The following AGBL4 variants were observed in gnomAD, a reference collection of about 807,000 sequenced individuals.
AGBL4 encodes AGBL carboxypeptidase 4, also known as cytosolic carboxypeptidase 6.
AGBL4 carries 58 observed loss-of-function variants against 66.4 expected under a neutral mutation model. That is an observed-to-expected ratio of 0.87 (90% CI 0.71 to 1.09). The LOEUF (loss-of-function observed/expected upper bound fraction) is 1.09, where lower values mean the gene tolerates loss of function less well. AGBL4 is among the 50% of genes least tolerant of loss of function. AGBL4 has a pLI of 0.00. For synonymous variants in AGBL4, 234 were observed against 222.9 expected, an observed-to-expected ratio of 1.05 and a Z score of -0.44; for missense variants, 579 against 631.0, an observed-to-expected ratio of 0.92 and a Z score of 0.88.
At chr1:49,456,254 T>C (rs947541539) in intron 3 of AGBL4, among the ~76,000 whole-genome samples, 2 of 151,718 alleles carry the variant, frequency 1.3e-5, no homozygotes, top group African/African-American at 4.8e-5. Context: ...AGGAACTCTC[T>C]CAAAATCAGG....
chr1:49,131,907 A>C (rs1223990260), intron 4 of AGBL4, among the ~76,000 whole-genome samples: 1 of 152,124 alleles, frequency 6.6e-6, no homozygotes, highest in African/African-American at 2.4e-5. Flanking sequence ...CCTATAATAC[A>C]TCAAAGACAA....
chr1:49,026,319 T>C (rs1209835369), intron 5 of AGBL4, among the ~76,000 whole-genome samples: 1 of 152,128 alleles, frequency 6.6e-6, no homozygotes, highest in Non-Finnish European at 1.5e-5. Context: ...GCTTTCCCAC[T>C]GTCGGGCCAA....
chr1:48,873,941 T>A (rs908326563), intron 5 of AGBL4, among the ~76,000 whole-genome samples: 4 of 152,152 alleles, frequency 2.6e-5, no homozygotes, highest in Non-Finnish European at 5.9e-5. Context: ...GGGAGCTCAG[T>A]GGCTGGTTTG....
chr1:49,038,407 G>A (rs1402596081), intron 5 of AGBL4, among the ~76,000 whole-genome samples: 1 of 152,032 alleles, frequency 6.6e-6, no homozygotes, highest in Non-Finnish European at 1.5e-5. Context: ...CAGCCCAATA[G>A]TAGCTTACCT....
At chr1:48,937,498 C>A (rs1445860598) in intron 5 of AGBL4, among the ~76,000 whole-genome samples, 2 of 152,138 alleles carry the variant, frequency 1.3e-5, no homozygotes, top group Non-Finnish European at 2.9e-5. Flanking sequence ...ACCCTAGACT[C>A]TGATTATGGG....
chr1:48,790,731 T>C (rs747169375), intron 6 of AGBL4, among the ~76,000 whole-genome samples: 22 of 152,160 alleles, frequency 1.4e-4, no homozygotes, highest in Non-Finnish European at 2.9e-4. Context: ...TCTGCCCTCA[T>C]GAATGAATTA....
intron 4 of AGBL4, among the ~76,000 whole-genome samples, chr1:49,160,614 G>C (rs59667813): frequency 6.6e-6 from 1 of 152,172 alleles, no homozygotes; most frequent in Non-Finnish European, 1.5e-5. Context: ...AGAGCCATCA[G>C]GCAGGGACGT....
At chr1:49,335,070 A>T (rs985636172) in intron 3 of AGBL4, among the ~76,000 whole-genome samples, 2 of 152,202 alleles carry the variant, frequency 1.3e-5, no homozygotes, top group Non-Finnish European at 2.9e-5. Flanking sequence ...TATACACTTT[A>T]TTGTCTAATA....
intron 5 of AGBL4, among the ~76,000 whole-genome samples, chr1:48,910,655 TTC>T (rs71737130): frequency 0.082 from 12,303 of 149,730 alleles, 659 homozygotes; most frequent in East Asian, 0.17. Flanking sequence ...AGGCTTTTTT[TTC>T]TTTTCCCTTC....
intron 6 of AGBL4, among the ~76,000 whole-genome samples, chr1:48,798,554 C>A (rs1029276353): frequency 1.3e-5 from 2 of 152,086 alleles, no homozygotes; most frequent in African/African-American, 2.4e-5. Flanking sequence ...TGTTTTGTTG[C>A]ATTTGCTTTC....
intron 3 of AGBL4, among the ~76,000 whole-genome samples, chr1:49,449,203 A>T (rs1646224491): frequency 6.6e-6 from 1 of 152,082 alleles, no homozygotes; most frequent in South Asian, 2.1e-4. Flanking sequence ...TACATGCAGT[A>T]AGTACCTGAG....
At chr1:48,861,021 A>G (rs964066202) in intron 6 of AGBL4, among the ~76,000 whole-genome samples, 1 of 152,242 alleles carries the variant, frequency 6.6e-6, no homozygotes, top group African/African-American at 2.4e-5. Flanking sequence ...TTAAAACTGA[A>G]CAAGAAATTA....
chr1:49,237,526 A>T (rs1173432306), intron 4 of AGBL4, among the ~76,000 whole-genome samples: 3 of 1,236 alleles, frequency 2.4e-3, no homozygotes, highest in African/African-American at 2.9e-3. Flanking sequence ...ATATATATAT[A>T]TATATATATA....
rs80080113 is a variant in AGBL4 at position 49,219,396 on chromosome 1, T to C, written c.377+26374A>G. On this transcript the variant is annotated intron_variant, in intron 4 of 13. Coordinates refer to ENST00000371839, the MANE Select transcript of AGBL4 (RefSeq NM_032785.4). Reference sequence around the variant, plus strand: ...CTCCTTTTATAATACAATACAATTATCAGTCTTTTCTTTTGAAAGAAAATA... The same window carrying C: ...CTCCTTTTATAATACAATACAATTACCAGTCTTTTCTTTTGAAAGAAAATA... Among the ~76,000 whole-genome samples the C allele has an allele frequency of 7.8e-3, 1,181 of 152,288 alleles. 9 individuals are homozygous for C. Among genetic ancestry groups the C allele is most frequent in the Middle Eastern group, 0.027 (8 of 294 alleles).
At chr1:48,669,810 C>G (rs773003031) in intron 6 of AGBL4, among the ~76,000 whole-genome samples, 1 of 152,200 alleles carries the variant, frequency 6.6e-6, no homozygotes, top group Non-Finnish European at 1.5e-5. Context: ...TGATGCCCAG[C>G]ATCTGCTCTG....
At chr1:49,853,393 A>T (rs1340249613) in intron 1 of AGBL4, among the ~76,000 whole-genome samples, 1 of 152,192 alleles carries the variant, frequency 6.6e-6, no homozygotes, top group African/African-American at 2.4e-5. Context: ...GGACAGCTGA[A>T]AAATAAATCA....
chr1:48,849,295 A>G (rs1646982874), intron 6 of AGBL4, among the ~76,000 whole-genome samples: 1 of 152,260 alleles, frequency 6.6e-6, no homozygotes, highest in African/African-American at 2.4e-5. Context: ...CACTGGTACA[A>G]GCATGTATAA....
At chr1:49,503,318 T>A (rs536760253) in intron 3 of AGBL4, among the ~76,000 whole-genome samples, 1 of 152,166 alleles carries the variant, frequency 6.6e-6, no homozygotes, top group Non-Finnish European at 1.5e-5. Flanking sequence ...AACACCTGGA[T>A]GTCCAGGCAA....
chr1:49,888,635 T>G (rs1394785955), intron 1 of AGBL4, among the ~76,000 whole-genome samples: 1 of 152,172 alleles, frequency 6.6e-6, no homozygotes, highest in Non-Finnish European at 1.5e-5. Context: ...CTACCAGACT[T>G]GCACTATTAG....
Sources: allele counts gnomAD v4.1 joint callset (sites outside exome capture counted in the v4.1 genomes callset), GRCh38; gene constraint gnomAD v4.1.1; transcripts MANE v1.5; gene names NCBI Gene and HGNC (gene_info 2026-07-23, HGNC 2026-07-21).